Variants in PAPSS1 observed in about 807,000 individuals in gnomAD.
The protein encoded by PAPSS1 is 3'-phosphoadenosine 5'-phosphosulfate synthase 1, also known as bifunctional 3'-phosphoadenosine 5'-phosphosulfate synthase 1.
In PAPSS1, 50 loss-of-function variants were observed where a neutral mutation model predicts 72.0. The ratio of observed to expected loss-of-function variants is 0.69; its 90% CI spans 0.55 to 0.88. The LOEUF (loss-of-function observed/expected upper bound fraction) is 0.88, where lower values mean the gene tolerates loss of function less well. Among genes scored for constraint, PAPSS1 ranks in the 40% least tolerant of loss-of-function variants. The probability of loss-of-function intolerance (pLI) is 0.00; values close to 1 mark genes in which losing one functional copy is unlikely to be tolerated. For synonymous variants in PAPSS1, 261 were observed against 263.6 expected (o/e 0.99, Z 0.09); for missense variants, 657 against 782.2 (o/e 0.84, Z 1.91).
At chr4:107,658,353 TAAA>T (rs5860875) in intron 6 of PAPSS1, among the ~76,000 whole-genome samples, 2 of 135,772 alleles carry the variant, frequency 1.5e-5, no homozygotes, top group African/African-American at 2.8e-5. Flanking sequence ...AGACTCCATT[TAAA>T]AAAAAAAAAA....
chr4:107,677,105 C>A (rs1452549310), intron 5 of PAPSS1, among the ~76,000 whole-genome samples: 3 of 152,116 alleles, frequency 2.0e-5, no homozygotes, highest in African/African-American at 7.2e-5. Context: ...TAGGCAATAC[C>A]ATTCAGGACA....
At chr4:107,631,059 T>C (rs1165846685) in intron 11 of PAPSS1, among the ~76,000 whole-genome samples, 1 of 152,218 alleles carries the variant, frequency 6.6e-6, no homozygotes, top group African/African-American at 2.4e-5. Flanking sequence ...GCTATACATA[T>C]AAGGTATATT....
chr4:107,681,967 G>C (rs1300793542), intron 5 of PAPSS1, 48 bp downstream of exon 5: 1 of 898,264 alleles, frequency 1.1e-6, no homozygotes, highest in Non-Finnish European at 1.8e-6. Flanking sequence ...AAGATTATGA[G>C]AGAGATATAA....
intron 3 of PAPSS1, 36 bp downstream of exon 3, chr4:107,693,735 T>G (rs11945089): frequency 1.4e-6 from 2 of 1,427,188 alleles, no homozygotes; most frequent in Admixed American, 1.7e-5. Context: ...TCTCAATAAA[T>G]GTAAGCAGAA....
chr4:107,674,999 C>G (rs994222949), intron 5 of PAPSS1, among the ~76,000 whole-genome samples: 3 of 151,970 alleles, frequency 2.0e-5, no homozygotes, highest in Admixed American at 2.0e-4. Context: ...AACAAAGACA[C>G]AACATACCAG....
intron 1 of PAPSS1, among the ~76,000 whole-genome samples, chr4:107,704,717 G>A (rs559998339): frequency 4.6e-5 from 7 of 152,200 alleles, no homozygotes; most frequent in East Asian, 3.9e-4. Flanking sequence ...TTCAGAGGCC[G>A]AGGCAGGCGG....
In PAPSS1 at chr4:107,696,892, G is replaced by A. The variant is rs148586759; in HGVS notation, c.176-2886C>T. 3.7e-3 allele frequency among the ~76,000 whole-genome samples: 558 copies of A among 152,268 alleles called. 3 individuals carry two copies. Among genetic ancestry groups the A allele is most frequent in the Non-Finnish European group, 6.2e-3 (423 of 68,008 alleles). ...ATCCCATCCTACAAGTGTCTACAAT[G>A]TGACTTTACTACTGTCACATCAAGA... is the stretch of plus-strand genomic sequence containing the variant. On this transcript the variant is annotated intron_variant, in intron 2 of 11. Transcript: ENST00000265174.
chr4:107,637,842 C>T (rs934747664), intron 10 of PAPSS1, among the ~76,000 whole-genome samples: 1 of 152,154 alleles, frequency 6.6e-6, no homozygotes, highest in Non-Finnish European at 1.5e-5. Context: ...AAGTGCATTA[C>T]CTAATTTTGC....
At chr4:107,660,288 G>A (rs1299737603) in intron 5 of PAPSS1, among the ~76,000 whole-genome samples, 1 of 151,932 alleles carries the variant, frequency 6.6e-6, no homozygotes, top group Non-Finnish European at 1.5e-5. Flanking sequence ...TAGTGGGAAA[G>A]AATAAATTCC....
chr4:107,719,790 G>A (rs995308396), intron 1 of PAPSS1: 13 of 1,182,424 alleles, frequency 1.1e-5, no homozygotes, highest in Non-Finnish European at 1.4e-5. Flanking sequence ...TCAGCACCCG[G>A]AGGTTTCAGC....
At chr4:107,614,886 C>T (rs534934519) in intron 11 of PAPSS1, among the ~76,000 whole-genome samples, 2 of 152,218 alleles carry the variant, frequency 1.3e-5, no homozygotes, top group East Asian at 1.9e-4. Flanking sequence ...ACCCATCTCA[C>T]GGGTTGCCCT....
intron 11 of PAPSS1, among the ~76,000 whole-genome samples, chr4:107,620,346 A>C (rs2110295653): frequency 6.6e-6 from 1 of 152,314 alleles, no homozygotes; most frequent in South Asian, 2.1e-4. Flanking sequence ...TCTCTTCAAA[A>C]TCAGATAAAC....
chr4:107,719,981 G>A (rs1041334874), intron 1 of PAPSS1, 139 bp downstream of exon 1: 3 of 1,444,010 alleles, frequency 2.1e-6, no homozygotes, highest in African/African-American at 1.5e-5. Flanking sequence ...CCAGCCGGGA[G>A]GCGCCGCAGC....
chr4:107,680,920 G>T (rs1212475681), intron 5 of PAPSS1, among the ~76,000 whole-genome samples: 7 of 152,018 alleles, frequency 4.6e-5, no homozygotes, highest in African/African-American at 1.7e-4. Context: ...GAGCAGTATC[G>T]ATTTACATTA....
intron 11 of PAPSS1, among the ~76,000 whole-genome samples, chr4:107,622,259 G>A (rs1018502977): frequency 5.3e-5 from 8 of 152,146 alleles, no homozygotes; most frequent in Non-Finnish European, 1.2e-4. Context: ...TGGGGGCAAA[G>A]CCCAAGAGTA....
At chr4:107,676,997 A>G (rs1393236055) in intron 5 of PAPSS1, among the ~76,000 whole-genome samples, 2 of 152,182 alleles carry the variant, frequency 1.3e-5, no homozygotes, top group Non-Finnish European at 2.9e-5. Flanking sequence ...GAAAGCTGAA[A>G]CTGGATCCCT....
chr4:107,657,897 C>G (rs1035476876), intron 6 of PAPSS1, among the ~76,000 whole-genome samples: 5 of 152,096 alleles, frequency 3.3e-5, no homozygotes, highest in Non-Finnish European at 7.4e-5. Context: ...TGTAAAGCTG[C>G]ATTTTATCTG....
intron 11 of PAPSS1, 40 bp downstream of exon 11, chr4:107,631,591 G>C (rs1451917619): frequency 1.4e-6 from 2 of 1,423,904 alleles, no homozygotes; most frequent in Admixed American, 1.8e-5. Context: ...GCTAGACCAC[G>C]AAGTACTTCA....
chr4:107,684,469 T>G lies in PAPSS1; in HGVS notation c.551-2336A>C, dbSNP rs144377096. On this transcript the variant is annotated intron_variant, in intron 4 of 11. Transcript: ENST00000265174. ...GGAAAATTTGCACCTTTAAAGAATC[T>G]TTATTAACAAAACTATATTTTTTTC... is the stretch of plus-strand genomic sequence containing the variant. Among the ~76,000 whole-genome samples, 787 of 152,296 alleles carry G rather than the reference T, an allele frequency of 5.2e-3. 6 individuals carry two copies. The highest frequency in any genetic ancestry group is 0.018 in the African/African-American group (756 of 41,576).
Sources: gnomAD v4.1 joint callset for allele counts (sites outside exome capture counted in the v4.1 genomes callset) on GRCh38, gnomAD v4.1.1 for gene constraint, MANE v1.5 for transcripts, NCBI Gene and HGNC (gene_info 2026-07-23, HGNC 2026-07-21) for gene names.